The following MRO variants were observed in gnomAD, a reference collection of about 807,000 sequenced individuals.
MRO encodes the protein protein maestro.
MRO carries 28 observed loss-of-function variants against 31.0 expected under a neutral mutation model. That is an observed-to-expected ratio of 0.90 (90% CI 0.67 to 1.24). The LOEUF (loss-of-function observed/expected upper bound fraction) is 1.24, where lower values mean the gene tolerates loss of function less well. MRO is among the 50% of genes most tolerant of loss of function. The pLI, the probability that MRO is intolerant of heterozygous loss-of-function variation, is 0.00. For synonymous variants in MRO, 108 were observed against 108.4 expected (o/e 1.00, Z 0.02); for missense variants, 332 against 289.2 (o/e 1.15, Z -1.07).
In MRO at chr18:50,797,194, C is replaced by T. The variant is rs1912861367; in HGVS notation, c.*2143G>A. 6.6e-6 allele frequency: 1 copy of T among 152,224 alleles called. No individual in the cohort carries two copies. The highest frequency in any genetic ancestry group is 2.4e-5 in the African/African-American group (1 of 41,436). 9.4% of individuals were successfully genotyped at this position (152,224 alleles called of 1,614,324 possible). A position where few individuals can be genotyped will look rare whatever the true frequency, so the allele number is the denominator to read the frequency against. ...AGTAGCTTCAACAGCTCGGGTCTGGCTGGAAGGGACAACTTGTGTCATGTG... is the reference window on the plus strand; with the variant it reads ...AGTAGCTTCAACAGCTCGGGTCTGGTTGGAAGGGACAACTTGTGTCATGTG... On this transcript the variant is annotated 3_prime_UTR_variant, in exon 8 of 8. Transcript: ENST00000398439.
chr18:50,823,367 G>A (rs1381983267), upstream of MRO, among the ~76,000 whole-genome samples: 2 of 152,212 alleles, frequency 1.3e-5, no homozygotes, highest in Admixed American at 1.3e-4. Context: ...AGCACATGGA[G>A]GCAGGAGCGC....
chr18:50,806,657 G>A (rs1913965241), intron 4 of MRO, 47 bp downstream of exon 4: 4 of 1,610,406 alleles, frequency 2.5e-6, no homozygotes, highest in East Asian at 2.2e-5. Flanking sequence ...CACCAAGGTG[G>A]TTGGAGAGGC....
chr18:50,799,172 C>A lies in MRO; in HGVS notation c.*165G>T. ...GAATTTTACTTTAGATAAAATCATACAATTCCATGTATTATTTTTGCCTTT... is the reference window on the plus strand; with the variant it reads ...GAATTTTACTTTAGATAAAATCATAAAATTCCATGTATTATTTTTGCCTTT... On this transcript the variant is annotated 3_prime_UTR_variant, in exon 8 of 8. Transcript: ENST00000398439. 1.7e-6 allele frequency: 1 copy of A among 602,978 alleles called. No individual in the cohort carries two copies. Among genetic ancestry groups the A allele is most frequent in the Non-Finnish European group, 3.0e-6 (1 of 333,496 alleles). 37.4% of individuals were successfully genotyped at this position (602,978 alleles called of 1,614,324 possible). A position where few individuals can be genotyped will look rare whatever the true frequency, so the allele number is the denominator to read the frequency against.
At chr18:50,821,107 T>C (rs767938705), upstream of MRO, among the ~76,000 whole-genome samples, 14 of 152,198 alleles carry the variant, frequency 9.2e-5, no homozygotes, top group Admixed American at 7.2e-4. Flanking sequence ...ATAAATAGAC[T>C]AGAAGAGACA....
rs1913993574 is a variant in MRO at position 50,806,841 on chromosome 18, T to C, written c.109A>G (p.Lys37Glu). 1 of 1,614,050 alleles carries C rather than the reference T, an allele frequency of 6.2e-7. No homozygotes were observed. Among genetic ancestry groups the C allele is most frequent in the Non-Finnish European group, 8.5e-7 (1 of 1,180,024 alleles). ...MISFFSKVSW[K>E]LRFQKREPLK... ...GGCTCCCGCTTCTGGAACCTCAGTT[T>C]CCAAGAGACCTGGGTGATGGGTCAA... Residue 37 changes from lysine to glutamate, a missense_variant, in exon 4 of 8, where the codon AAA becomes GAA. By Grantham distance (56) the Lys-to-Glu change is moderately conservative (BLOSUM62 1). Transcript: ENST00000398439.
At chr18:50,825,057 A>T (rs1001174316) in intron 1 of MRO, among the ~76,000 whole-genome samples, 1 of 148,060 alleles carries the variant, frequency 6.8e-6, no homozygotes, top group South Asian at 2.2e-4. Context: ...CTGGGCCACA[A>T]GAGCAAGATT....
At chr18:50,815,564 TTGG>T in intron 2 of MRO, 1 of 294,536 alleles carries the variant, frequency 3.4e-6, no homozygotes, top group South Asian at 3.5e-5. Flanking sequence ...CATTGAAATT[TTGG>T]TGGTGGTAAC....
intron 2 of MRO, chr18:50,819,339 G>A (rs1209731107): frequency 1.4e-6 from 1 of 716,494 alleles, no homozygotes; most frequent in Non-Finnish European, 1.7e-6. Context: ...GCTGACAATA[G>A]AATGATCTAT....
In MRO at chr18:50,807,463, A is replaced by G. The variant is rs1914054961; in HGVS notation, c.100-613T>C. Among the ~76,000 whole-genome samples, 5 of 152,242 alleles carry G rather than the reference A, an allele frequency of 3.3e-5. No individual in the cohort carries two copies. In the South Asian group the frequency reaches 1.0e-3, roughly 31 times the overall value. ...CAATAGCACTTGACACAATTAGCAA[A>G]GCATATCTGCAAACATCTAGTACAC... On this transcript the variant is annotated intron_variant, in intron 3 of 7. Transcript: ENST00000398439.
At chr18:50,805,785 T>C (rs1346394608) in intron 4 of MRO, among the ~76,000 whole-genome samples, 2 of 152,180 alleles carry the variant, frequency 1.3e-5, no homozygotes, top group Non-Finnish European at 2.9e-5. Context: ...GGGTAACAGC[T>C]GTGAGTTTAT....
chr18:50,797,446 G>A lies in MRO; in HGVS notation c.*1891C>T, dbSNP rs80029777. On this transcript the variant is annotated 3_prime_UTR_variant, in exon 8 of 8. Coordinates refer to ENST00000398439, the MANE Select transcript of MRO (RefSeq NM_031939.6). ...AGGCAGCCCAGATTCAAACAGAAGG[G>A]ACTAAATAAAGACATGAGTATCAGG... 9.0e-3 allele frequency: 1,374 copies of A among 152,286 alleles called. 10 individuals carry two copies. The highest frequency in any genetic ancestry group is 0.014 in the Non-Finnish European group (982 of 68,050). The allele number at this position is 152,286 out of a possible 1,614,324, so 9.4% of individuals were successfully genotyped here. A position where few individuals can be genotyped will look rare whatever the true frequency, so the allele number is the denominator to read the frequency against.
chr18:50,800,158 A>G lies in MRO; in HGVS notation c.586-15T>C. 1 of 1,546,482 alleles carries G rather than the reference A, an allele frequency of 6.5e-7. No individual in the cohort carries two copies. Reference sequence around the variant, plus strand: ...GTTTTGCAAGCCTGAGAAAAATAATATTACTATTTTATTTATTAGAGAGTT... The same window carrying G: ...GTTTTGCAAGCCTGAGAAAAATAATGTTACTATTTTATTTATTAGAGAGTT... On this transcript the variant is annotated splice_polypyrimidine_tract_variant and intron_variant, in intron 6 of 7. Coordinates refer to ENST00000398439, the MANE Select transcript of MRO (RefSeq NM_031939.6).
At chr18:50,800,778 C>A (rs1455409335) in intron 6 of MRO, among the ~76,000 whole-genome samples, 1 of 151,122 alleles carries the variant, frequency 6.6e-6, no homozygotes, top group Non-Finnish European at 1.5e-5. Context: ...CCCAGCTACT[C>A]AGGAGGTTGA....
intron 5 of MRO, among the ~76,000 whole-genome samples, chr18:50,802,231 GT>G (rs1913405946): frequency 6.6e-6 from 1 of 151,854 alleles, no homozygotes; most frequent in African/African-American, 2.4e-5. Flanking sequence ...TTTGGTTTGA[GT>G]TTCTCCTATC....
chr18:50,799,792 T>C (rs1328279674), intron 7 of MRO, among the ~76,000 whole-genome samples: 4 of 152,148 alleles, frequency 2.6e-5, no homozygotes, highest in Admixed American at 1.3e-4. Flanking sequence ...ACGCCTGTAA[T>C]CTCAGCTACT....
chr18:50,814,076 T>A (rs1259730487), intron 2 of MRO, among the ~76,000 whole-genome samples: 1 of 152,170 alleles, frequency 6.6e-6, no homozygotes, highest in East Asian at 1.9e-4. Flanking sequence ...CAACTTCATG[T>A]TTCAATAGAA....
intron 2 of MRO, among the ~76,000 whole-genome samples, chr18:50,809,958 G>A (rs1914325189): frequency 6.6e-6 from 1 of 152,094 alleles, no homozygotes; most frequent in Admixed American, 6.5e-5. Context: ...GTTTGGGCAG[G>A]GGAAGGGAGA....
rs1913824639 is a variant in MRO at position 50,805,355 on chromosome 18, A to AAGC, written c.247-22_247-20dup. The AAGC allele has an allele frequency of 6.2e-7, 1 of 1,611,278 alleles. No homozygotes were observed. Among genetic ancestry groups the AAGC allele is most frequent in the African/African-American group, 1.3e-5 (1 of 74,964 alleles). On this transcript the variant is annotated intron_variant, in intron 4 of 7. Transcript: ENST00000398439. ...TTCTCACCTGTCACCAAGGTTTGAA[A>AAGC]AGCAGTAATAGCACAGGAACTGCTC...
At chr18:50,812,327 T>A (rs1439492767) in intron 2 of MRO, among the ~76,000 whole-genome samples, 1 of 152,214 alleles carries the variant, frequency 6.6e-6, no homozygotes, top group African/African-American at 2.4e-5. Flanking sequence ...TGGAGAAATT[T>A]CCATTCAAAT....
Sources: gnomAD v4.1 joint callset for allele counts (sites outside exome capture counted in the v4.1 genomes callset) on GRCh38, gnomAD v4.1.1 for gene constraint, MANE v1.5 for transcripts, NCBI Gene and HGNC (gene_info 2026-07-23, HGNC 2026-07-21) for gene names.